Variants in LINGO2 observed in about 807,000 individuals in gnomAD.
The protein encoded by LINGO2 is leucine-rich repeat and immunoglobulin-like domain-containing nogo receptor-interacting protein 2.
A neutral mutation model predicts 30.6 loss-of-function variants in LINGO2; 14 were observed. The observed-to-expected ratio is 0.46, with a 90% CI of 0.30 to 0.72. The LOEUF is 0.72. Among genes scored for constraint, LINGO2 ranks in the 30% least tolerant of loss-of-function variants. The pLI, the probability that LINGO2 is intolerant of heterozygous loss-of-function variation, is 0.07. For missense variants in LINGO2, 729 were observed against 751.7 expected (o/e 0.97, Z 0.35); for synonymous variants, 317 against 288.5 (o/e 1.10, Z -1.00).
At chr9:27,967,118 G>A (rs1820139337) in intron 5 of LINGO2, among the ~76,000 whole-genome samples, 1 of 152,168 alleles carries the variant, frequency 6.6e-6, no homozygotes, top group Admixed American at 6.5e-5. Flanking sequence ...GTTCAGACAA[G>A]ATAGCTGTCT....
intron 2 of LINGO2, among the ~76,000 whole-genome samples, chr9:28,445,818 C>T (rs569689154): frequency 1.3e-5 from 2 of 152,228 alleles, no homozygotes; most frequent in East Asian, 3.9e-4. Context: ...AATCCTGTGG[C>T]TATAATTCCT....
intron 1 of LINGO2, among the ~76,000 whole-genome samples, chr9:28,555,607 A>T (rs1822618220): frequency 6.6e-6 from 1 of 152,100 alleles, no homozygotes; most frequent in African/African-American, 2.4e-5. Context: ...AAACTATTCC[A>T]ATCAATAGAA....
intron 1 of LINGO2, among the ~76,000 whole-genome samples, chr9:28,498,064 C>T (rs1819718321): frequency 6.6e-6 from 1 of 152,128 alleles, no homozygotes; most frequent in Admixed American, 6.5e-5. Context: ...GTCAGTCTGC[C>T]CCTACTCGGG....
At chr9:28,691,970 A>C in the LINGO2 span, among the ~76,000 whole-genome samples, 2 of 152,186 alleles carry the variant, frequency 1.3e-5, no homozygotes, top group African/African-American at 4.8e-5. Flanking sequence ...GACAGCTAGT[A>C]AGCTCTGGAG....
chr9:28,316,635 G>A lies in LINGO2; in HGVS notation c.-245-21269C>T, dbSNP rs368688965. 1.2e-4 allele frequency among the ~76,000 whole-genome samples: 18 copies of A among 152,208 alleles called. No homozygotes were observed. In the South Asian group the frequency reaches 3.7e-3, roughly 32 times the overall value. On this transcript the variant is annotated intron_variant, in intron 3 of 5. Coordinates refer to ENST00000379992, the Ensembl canonical transcript of LINGO2. ...CAAGCAAGTCCCCAGAGAGGAACCG[G>A]CATTTGAACTTGGACTAAAGGACAA... is the stretch of plus-strand genomic sequence containing the variant.
intron 4 of LINGO2, among the ~76,000 whole-genome samples, chr9:28,152,398 C>T (rs1173953169): frequency 6.6e-6 from 1 of 152,084 alleles, no homozygotes; most frequent in Non-Finnish European, 1.5e-5. Flanking sequence ...CACTGAGGCT[C>T]TCCTCAGTTG....
intron 1 of LINGO2, among the ~76,000 whole-genome samples, chr9:28,549,500 A>C (rs937734388): frequency 3.3e-5 from 5 of 152,018 alleles, no homozygotes; most frequent in African/African-American, 1.2e-4. Context: ...AATTGTTATT[A>C]TACAAGACTT....
intron 4 of LINGO2, among the ~76,000 whole-genome samples, chr9:28,099,053 T>C (rs1826332042): frequency 6.6e-6 from 1 of 152,136 alleles, no homozygotes; most frequent in Admixed American, 6.6e-5. Flanking sequence ...ATTCAAAACA[T>C]TATGCTAATA....
At chr9:29,128,850 C>G in the LINGO2 span, among the ~76,000 whole-genome samples, 14 of 151,942 alleles carry the variant, frequency 9.2e-5, no homozygotes. Flanking sequence ...TTGTGCCTAC[C>G]AAATTGGCTT....
intron 1 of LINGO2, among the ~76,000 whole-genome samples, chr9:28,618,500 T>C (rs746027486): frequency 1.2e-4 from 18 of 152,154 alleles, no homozygotes; most frequent in Non-Finnish European, 2.5e-4. Context: ...TATTTTTTAA[T>C]ATAAATTGTC....
At chr9:28,744,560 T>C in the LINGO2 span, among the ~76,000 whole-genome samples, 2 of 151,834 alleles carry the variant, frequency 1.3e-5, no homozygotes, top group African/African-American at 4.9e-5. Context: ...TCAAAATCTA[T>C]TTTCCCCATA....
At chr9:28,921,565 G>A in the LINGO2 span, among the ~76,000 whole-genome samples, 1 of 152,180 alleles carries the variant, frequency 6.6e-6, no homozygotes, top group Non-Finnish European at 1.5e-5. Context: ...GGTAGCTCGA[G>A]CAGTAAAGTC....
the LINGO2 span, among the ~76,000 whole-genome samples, chr9:28,970,688 A>G: frequency 6.6e-6 from 1 of 152,156 alleles, no homozygotes; most frequent in Non-Finnish European, 1.5e-5. Context: ...CATTTAGACC[A>G]GCCCTAGCCA....
chr9:28,058,268 G>T (rs1306515156), intron 4 of LINGO2, among the ~76,000 whole-genome samples: 2 of 151,952 alleles, frequency 1.3e-5, no homozygotes, highest in African/African-American at 2.4e-5. Flanking sequence ...TACAATAACT[G>T]GTATGCCAAA....
intron 5 of LINGO2, among the ~76,000 whole-genome samples, chr9:28,002,879 G>A (rs1276305759): frequency 6.6e-6 from 1 of 152,086 alleles, no homozygotes; most frequent in Non-Finnish European, 1.5e-5. Context: ...ATCGTGTGGT[G>A]TGTTCTAATC....
At chr9:29,207,492 T>C in the LINGO2 span, among the ~76,000 whole-genome samples, 7 of 152,174 alleles carry the variant, frequency 4.6e-5, no homozygotes, top group Non-Finnish European at 7.4e-5. Context: ...TGGTGCTACC[T>C]AGAAACTGAA....
At chr9:28,905,726 T>C in the LINGO2 span, among the ~76,000 whole-genome samples, 11 of 152,038 alleles carry the variant, frequency 7.2e-5, no homozygotes, top group African/African-American at 2.4e-4. Flanking sequence ...TAAATTAGTA[T>C]GGCTATCATA....
At chr9:28,308,984 G>C (rs923213657) in intron 3 of LINGO2, among the ~76,000 whole-genome samples, 1 of 152,074 alleles carries the variant, frequency 6.6e-6, no homozygotes, top group African/African-American at 2.4e-5. Flanking sequence ...ACTGTTGGTG[G>C]GACTGTAAAC....
the LINGO2 span, among the ~76,000 whole-genome samples, chr9:28,966,009 A>T: frequency 6.6e-6 from 1 of 152,180 alleles, no homozygotes; most frequent in African/African-American, 2.4e-5. Context: ...TGCCTGTAGA[A>T]GCTCAATCCA....
Sources: allele counts gnomAD v4.1 joint callset (sites outside exome capture counted in the v4.1 genomes callset), GRCh38; gene constraint gnomAD v4.1.1; transcripts MANE v1.5; gene names NCBI Gene and HGNC (gene_info 2026-07-23, HGNC 2026-07-21).